The following HEY1 variants were observed in gnomAD, a reference collection of about 807,000 sequenced individuals.
HEY1 encodes the protein hairy/enhancer-of-split related with YRPW motif protein 1.
A neutral mutation model predicts 28.7 loss-of-function variants in HEY1; 9 were observed. The observed-to-expected ratio is 0.31, with a 90% CI of 0.19 to 0.55. The LOEUF (loss-of-function observed/expected upper bound fraction) is 0.55, where lower values mean the gene tolerates loss of function less well. Ranked by LOEUF, HEY1 falls within the 20% of genes least tolerant of loss-of-function variation. The pLI is 0.93. For synonymous variants in HEY1, 213 were observed against 175.6 expected (o/e 1.21, Z -1.68); for missense variants, 385 against 399.4 (o/e 0.96, Z 0.31).
chr8:79,767,077 G>A lies in HEY1; in HGVS notation c.181C>T (p.Arg61Ter). 6.2e-7 allele frequency: 1 copy of A among 1,613,848 alleles called. No homozygotes were observed. Among genetic ancestry groups the A allele is most frequent in the South Asian group, 1.1e-5 (1 of 91,062 alleles). Residue 61 changes from arginine to a stop codon, truncating the protein, a stop_gained, in exon 3 of 5, where the codon CGA becomes TGA. Transcript: ENST00000354724. LOFTEE classifies it high-confidence loss of function. Reference protein sequence around the residue: ...KRRRGIIEKRRRDRINNSLSE... With the variant: ...KRRRGIIEKR ...AAACTGTTATTGATCCGGTCTCGTC[G>A]GCGCTTCTCAATTATCTGCAGAAGG...
Position 79,767,199 on chromosome 8 carries a change from G to C in HEY1, c.165+20C>G. 2 of 1,602,416 alleles carry C rather than the reference G, an allele frequency of 1.2e-6. No individual in the cohort carries two copies. Reference sequence around the variant, plus strand: ...CGTTAATCAATAACAAAAATAAAAGGAGAGTGTAAAGAGACTCACTCCTCT... The same window carrying C: ...CGTTAATCAATAACAAAAATAAAAGCAGAGTGTAAAGAGACTCACTCCTCT... On this transcript the variant is annotated intron_variant, in intron 2 of 4. Transcript: ENST00000354724.
chr8:79,765,230 G>C lies in HEY1; in HGVS notation c.873C>G (p.Gly291=). The C allele has an allele frequency of 1.3e-6, 2 of 1,553,112 alleles. No homozygotes were observed. The highest frequency in any genetic ancestry group is 2.4e-5 in the South Asian group (2 of 84,180). Residue 291 remains glycine (G), a synonymous_variant, in exon 5 of 5, where the codon GGC becomes GGG. Transcript: ENST00000354724. ...CCGTCCCCCAAGGTCTATAGGGCTTGCCAAGGTTTGCAGCCTGCGTGGGTG... is the reference window on the plus strand; with the variant it reads ...CCGTCCCCCAAGGTCTATAGGGCTTCCCAAGGTTTGCAGCCTGCGTGGGTG... ...PSAPTQAANL[G]KPYRPWGTEI... is the part of the protein sequence containing the mutation.
chr8:79,767,683 C>G lies in HEY1; in HGVS notation c.-20G>C, dbSNP rs1198395286. On this transcript the variant is annotated 5_prime_UTR_variant, in exon 1 of 5. Coordinates refer to ENST00000354724, the MANE Select transcript of HEY1 (RefSeq NM_012258.4). ...CTTCATGCTGGCTCCCTGGGGGTTCCTGGGGAGGGTCGGCGCGGCGGGCAG... is the reference window on the plus strand; with the variant it reads ...CTTCATGCTGGCTCCCTGGGGGTTCGTGGGGAGGGTCGGCGCGGCGGGCAG... 1 of 1,575,144 alleles carries G rather than the reference C, an allele frequency of 6.3e-7. No individual in the cohort carries two copies. Among genetic ancestry groups the G allele is most frequent in the Non-Finnish European group, 8.6e-7 (1 of 1,161,752 alleles).
At chr8:79,766,486 C>A in intron 4 of HEY1, 165 bp downstream of exon 4, 5 of 1,506,436 alleles carry the variant, frequency 3.3e-6, no homozygotes, top group East Asian at 2.3e-5. Flanking sequence ...GGAGAAGATT[C>A]TATGTGCATT....
At position 79,765,436 on chromosome 8, in the gene HEY1, G is replaced by A; in HGVS notation, c.667C>T (p.His223Tyr). 6.2e-7 allele frequency: 1 copy of A among 1,612,502 alleles called. No homozygotes were observed. The highest frequency in any genetic ancestry group is 8.5e-7 in the Non-Finnish European group (1 of 1,179,326). The stretch of plus-strand genomic sequence containing the variant: ...GCTCGCAAAGCAGGCGCCTCCGGAT[G>A]TGCCGAGCCCAGCCTGCCCTGGTGG... ...PHHQGRLGSA[H>Y]PEAPALRAPP... Residue 223 changes from histidine (H) to tyrosine (Y), a missense_variant, in exon 5 of 5, where the codon CAT (histidine) becomes TAT (tyrosine). His to Tyr is a moderately conservative substitution (Grantham distance 83, BLOSUM62 2). Around this residue, in one of 3 missense-constraint regions of HEY1, gnomAD observed 223 missense variants for 215.9 expected, o/e 1.03. Transcript: ENST00000354724.
At chr8:79,767,193 T>C (rs748087926) in intron 2 of HEY1, 26 bp downstream of exon 2, 10 of 1,599,540 alleles carry the variant, frequency 6.3e-6, no homozygotes, top group Middle Eastern at 1.7e-4. Context: ...ATAACAAAAA[T>C]AAAAGGAGAG....
chr8:79,766,946 T>A (rs778265472), intron 3 of HEY1, 63 bp downstream of exon 3: 1 of 1,403,958 alleles, frequency 7.1e-7, no homozygotes, highest in South Asian at 1.2e-5. Context: ...ATGAGATTAA[T>A]GAGGGGAAGA....
At chr8:79,766,309 C>A (rs1269954548) in intron 4 of HEY1, 4 of 1,513,168 alleles carry the variant, frequency 2.6e-6, no homozygotes, top group Non-Finnish European at 2.6e-6. Context: ...AAAATAAGAC[C>A]ACATATTGTT....
Position 79,766,630 on chromosome 8 carries a change from C to A in HEY1, c.331+21G>T, listed in dbSNP as rs960978. 0.33 allele frequency: 533,812 copies of A among 1,613,258 alleles called. 89,947 individuals are homozygous for A. The highest frequency in any genetic ancestry group is 0.39 in the Admixed American group (23,499 of 59,980). ...CTCTTTGCCAACCATTCAGAGCCCC[C>A]ACTAGGTCTAGGAGATGTACCTTTC... On this transcript the variant is annotated intron_variant, in intron 4 of 4. Coordinates refer to ENST00000354724, the MANE Select transcript of HEY1 (RefSeq NM_012258.4).
In HEY1 at chr8:79,767,268, A is replaced by G; in HGVS notation, c.116T>C (p.Met39Thr). ...AATCTGGGAAGATGTAGTTGGGGACATGGAACCTAGAGCCGAACTCAAGTT... is the reference window on the plus strand; with the variant it reads ...AATCTGGGAAGATGTAGTTGGGGACGTGGAACCTAGAGCCGAACTCAAGTT... ...NGNLSSALGS[M>T]SPTTSSQILA... The change falls in exon 2 of 5, where the codon ATG becomes ACG. Residue 39 changes from methionine to threonine, a missense_variant. Physicochemically the swap from Met to Thr is moderately conservative, Grantham distance 81. This residue lies in a region of HEY1 where 79 missense variants were observed against 60.7 expected (regional missense o/e 1.30). Transcript: ENST00000354724. The G allele has an allele frequency of 6.2e-7, 1 of 1,614,026 alleles. No homozygotes were observed. The highest frequency in any genetic ancestry group is 1.1e-5 in the South Asian group (1 of 91,058).
Position 79,767,675 on chromosome 8 carries a change from G to A in HEY1, c.-12C>T. On this transcript the variant is annotated 5_prime_UTR_variant, in exon 1 of 5. Coordinates refer to ENST00000354724, the MANE Select transcript of HEY1 (RefSeq NM_012258.4). Reference sequence around the variant, plus strand: ...TGAGCTCGCTTCATGCTGGCTCCCTGGGGGTTCCTGGGGAGGGTCGGCGCG... The same window carrying A: ...TGAGCTCGCTTCATGCTGGCTCCCTAGGGGTTCCTGGGGAGGGTCGGCGCG... 1 of 1,577,784 alleles carries A rather than the reference G, an allele frequency of 6.3e-7. No homozygotes were observed. The highest frequency in any genetic ancestry group is 8.6e-7 in the Non-Finnish European group (1 of 1,163,534).
Position 79,765,368 on chromosome 8 carries a change from G to A in HEY1, c.735C>T (p.Thr245=), listed in dbSNP as rs762213587. The A allele has an allele frequency of 1.1e-5, 17 of 1,589,696 alleles. No individual in the cohort carries two copies. Among genetic ancestry groups the A allele is most frequent in the Non-Finnish European group, 1.5e-5 (17 of 1,168,080 alleles). ...GAGGCGGCGACAGTTTGGAGGCGGA[G>A]GTGACCACAGGGAGCACCGGTCCGA... ...GSLGPVLPVV[T]SASKLSPPLL... Residue 245 remains threonine, a synonymous_variant, in exon 5 of 5, where the codon ACC becomes ACT. Transcript: ENST00000354724.
Position 79,764,722 on chromosome 8 carries a change from C to A in HEY1, c.*466G>T. The A allele has an allele frequency of 4.5e-6, 1 of 222,484 alleles. No individual in the cohort carries two copies. The allele number at this position is 222,484 out of a possible 1,614,324, so 13.8% of individuals were successfully genotyped here. A position where few individuals can be genotyped will look rare whatever the true frequency, so the allele number is the denominator to read the frequency against. ...AATATTATTTATACAACACCTTAAT[C>A]TGTCAAAATATTAACAAACAGAATC... On this transcript the variant is annotated 3_prime_UTR_variant, in exon 5 of 5. Transcript: ENST00000354724.
Position 79,764,122 on chromosome 8 carries a change from G to A in HEY1, c.*1066C>T, listed in dbSNP as rs946199588. ...TGCTAAAAGAATAAACCTGAAAAATGATATTTTATAGCCCAAATCAAATTA... is the reference window on the plus strand; with the variant it reads ...TGCTAAAAGAATAAACCTGAAAAATAATATTTTATAGCCCAAATCAAATTA... On this transcript the variant is annotated 3_prime_UTR_variant, in exon 5 of 5. Coordinates refer to ENST00000354724, the MANE Select transcript of HEY1 (RefSeq NM_012258.4). 2 of 198,060 alleles carry A rather than the reference G, an allele frequency of 1.0e-5. No individual in the cohort carries two copies. The highest frequency in any genetic ancestry group is 2.1e-5 in the Non-Finnish European group (2 of 95,978). 12.3% of individuals were successfully genotyped at this position (198,060 alleles called of 1,614,324 possible). A position where few individuals can be genotyped will look rare whatever the true frequency, so the allele number is the denominator to read the frequency against.
At position 79,767,613 on chromosome 8, in the gene HEY1, C is replaced by G; in HGVS notation, c.51G>C (p.Glu17Asp). ...CACTCTCCTTCTCCACCTCGATGGT[C>G]TCGTCCAGCTCGCTGTCCGAGGAGC... ...EYSSSDSELD[E>D]TIEVEKESAD... The change falls in exon 1 of 5, where the codon GAG (glutamate) becomes GAC (aspartate). Residue 17 changes from glutamate to aspartate, a missense_variant. Glu to Asp is a conservative substitution (Grantham distance 45). This residue lies in a region of HEY1 where 79 missense variants were observed against 60.7 expected (regional missense o/e 1.30). Transcript: ENST00000354724. The G allele has an allele frequency of 6.2e-7, 1 of 1,610,646 alleles. No individual in the cohort carries two copies. The highest frequency in any genetic ancestry group is 8.5e-7 in the Non-Finnish European group (1 of 1,178,936).
At chr8:79,767,504 C>A in intron 1 of HEY1, 71 bp downstream of exon 1, 1 of 1,449,684 alleles carries the variant, frequency 6.9e-7, no homozygotes, top group South Asian at 1.2e-5. Flanking sequence ...GGTCCTAGCC[C>A]GCTGTCACCG....
chr8:79,767,647 G>A lies in HEY1; in HGVS notation c.17C>T (p.Pro6Leu). MKRAH[P>L]EYSSSDSELD... ...CTCGCTGTCCGAGGAGCTGTACTCGGGGTGAGCTCGCTTCATGCTGGCTCC... is the reference window on the plus strand; with the variant it reads ...CTCGCTGTCCGAGGAGCTGTACTCGAGGTGAGCTCGCTTCATGCTGGCTCC... Residue 6 changes from proline to leucine, a missense_variant, in exon 1 of 5, where the codon CCC becomes CTC. This residue lies in a region of HEY1 where 79 missense variants were observed against 60.7 expected (regional missense o/e 1.30). Transcript: ENST00000354724. 6.2e-7 allele frequency: 1 copy of A among 1,603,134 alleles called. No individual in the cohort carries two copies. Among genetic ancestry groups the A allele is most frequent in the Non-Finnish European group, 8.5e-7 (1 of 1,176,026 alleles).
At chr8:79,766,503 T>A (rs1162128196) in intron 4 of HEY1, 148 bp downstream of exon 4, 2 of 1,510,404 alleles carry the variant, frequency 1.3e-6, no homozygotes, top group Non-Finnish European at 1.8e-6. Flanking sequence ...CATTCGAAAA[T>A]GTACTGACAG....
In HEY1 at chr8:79,765,647, A is replaced by G; in HGVS notation, c.456T>C (p.Val152=). The G allele has an allele frequency of 6.2e-7, 1 of 1,614,252 alleles. No individual in the cohort carries two copies. The highest frequency in any genetic ancestry group is 1.7e-5 in the Admixed American group (1 of 60,032). The change falls in exon 5 of 5, where the codon GTT becomes GTC. Residue 152 remains valine, a synonymous_variant. Transcript: ENST00000354724. ...AGTTGTTGAGATGCGAAACCAGTCG[A>G]ACTCGAAGCGGGTCAGAGGCATCTA... is the stretch of plus-strand genomic sequence containing the variant. ...EGLDASDPLR[V]RLVSHLNNYA...
Sources: allele counts gnomAD v4.1 joint callset, GRCh38; gene constraint gnomAD v4.1.1; regional missense constraint gnomAD v4.1.1; transcripts MANE v1.5; gene names NCBI Gene and HGNC (gene_info 2026-07-23, HGNC 2026-07-21).